FOCAD: variants seen among roughly 807,000 people sequenced by gnomAD.
FOCAD encodes KIAA1797.
Under a neutral mutation model 225.6 loss-of-function variants are expected in FOCAD, and 198 were observed. That is an observed-to-expected ratio of 0.88 (90% CI 0.78 to 0.99). FOCAD has a LOEUF of 0.99. Among genes scored for constraint, FOCAD ranks in the 50% least tolerant of loss-of-function variants. FOCAD has a pLI of 0.00. For missense variants in FOCAD, 2,713 were observed against 2,123.6 expected (o/e 1.28, Z -5.46); for synonymous variants, 897 against 755.0 (o/e 1.19, Z -3.08).
chr9:20,768,821 AC>A (rs1817868954), intron 7 of FOCAD, among the ~76,000 whole-genome samples: 1 of 152,044 alleles, frequency 6.6e-6, no homozygotes, highest in Non-Finnish European at 1.5e-5. Flanking sequence ...GACTCTTGTC[AC>A]CTCACATATT....
chr9:20,772,908 GTATAA>G (rs1384003264), intron 8 of FOCAD, among the ~76,000 whole-genome samples: 8 of 151,150 alleles, frequency 5.3e-5, no homozygotes, highest in East Asian at 1.9e-4. Flanking sequence ...ATATATATAT[GTATAA>G]TATATCAGGT....
chr9:20,959,031 C>G (rs576229342), intron 35 of FOCAD, among the ~76,000 whole-genome samples: 1 of 152,240 alleles, frequency 6.6e-6, no homozygotes, highest in African/African-American at 2.4e-5. Context: ...GAATGATTTC[C>G]TTTCCTTTGG....
At chr9:20,960,041 C>G (rs545866903) in intron 35 of FOCAD, among the ~76,000 whole-genome samples, 1 of 152,096 alleles carries the variant, frequency 6.6e-6, no homozygotes, top group Non-Finnish European at 1.5e-5. Flanking sequence ...CAAGTTTCAT[C>G]AACAATCCCA....
chr9:20,728,201 G>T (rs1826370658), intron 4 of FOCAD, among the ~76,000 whole-genome samples: 1 of 151,988 alleles, frequency 6.6e-6, no homozygotes, highest in Admixed American at 6.6e-5. Context: ...TCTCATTATA[G>T]GCTAACTATC....
intron 6 of FOCAD, among the ~76,000 whole-genome samples, chr9:20,763,374 T>G (rs950596323): frequency 6.6e-6 from 1 of 152,186 alleles, no homozygotes; most frequent in African/African-American, 2.4e-5. Flanking sequence ...GAGGATTGCT[T>G]GAGCCTAGAA....
chr9:20,954,416 G>A (rs1217874422), intron 35 of FOCAD, among the ~76,000 whole-genome samples: 1 of 152,090 alleles, frequency 6.6e-6, no homozygotes, highest in Non-Finnish European at 1.5e-5. Context: ...TTAAAATGAT[G>A]TGAGATATTT....
chr9:20,704,106 T>C (rs1437661288), intron 1 of FOCAD, among the ~76,000 whole-genome samples: 1 of 152,252 alleles, frequency 6.6e-6, no homozygotes, highest in Non-Finnish European at 1.5e-5. Context: ...AAAGCATATA[T>C]GTCATTGCTT....
In FOCAD at chr9:20,973,953, C is replaced by G. The variant is rs367972386; in HGVS notation, c.4133-2467C>G. On this transcript the variant is annotated intron_variant, in intron 35 of 43. Coordinates refer to ENST00000338382, the MANE Select transcript of FOCAD (RefSeq NM_001375567.1). ...TCTGCTTCTCCTTTTTCCTATGTTT[C>G]TCCTTTCTGTAGCTGTTTTTTTCCT... Among the ~76,000 whole-genome samples the G allele has an allele frequency of 8.8e-3, 760 of 86,324 alleles. 48 individuals carry two copies. The highest frequency in any genetic ancestry group is 0.027 in the African/African-American group (639 of 23,436). 56.6% of individuals were successfully genotyped at this position (86,324 alleles called of 152,430 possible).
At chr9:20,886,284 C>G (rs1390120657) in intron 21 of FOCAD, among the ~76,000 whole-genome samples, 1 of 152,110 alleles carries the variant, frequency 6.6e-6, no homozygotes, top group Non-Finnish European at 1.5e-5. Flanking sequence ...AAGAGCAACG[C>G]TTTTCTAGGA....
intron 2 of FOCAD, among the ~76,000 whole-genome samples, chr9:20,716,719 G>T (rs1489724671): frequency 7.9e-5 from 12 of 151,470 alleles, no homozygotes; most frequent in Admixed American, 7.2e-4. Flanking sequence ...ATTCACACAC[G>T]TTTTTTTTCA....
chr9:20,905,819 T>C (rs1343629009), intron 21 of FOCAD, among the ~76,000 whole-genome samples: 1 of 152,028 alleles, frequency 6.6e-6, no homozygotes, highest in Non-Finnish European at 1.5e-5. Flanking sequence ...TGTTGACTTA[T>C]TGACAAGGCT....
chr9:20,920,805 G>A (rs1397181854), intron 24 of FOCAD, among the ~76,000 whole-genome samples: 2 of 150,816 alleles, frequency 1.3e-5, no homozygotes, highest in Admixed American at 1.3e-4. Context: ...ACACTCTGGG[G>A]ACTGTTGTGG....
chr9:20,927,357 A>G (rs991565052), intron 26 of FOCAD, among the ~76,000 whole-genome samples: 1 of 152,100 alleles, frequency 6.6e-6, no homozygotes, highest in African/African-American at 2.4e-5. Flanking sequence ...TGTTTTTGTG[A>G]CTGTTGACAC....
At chr9:20,799,176 C>T (rs189794147) in intron 11 of FOCAD, among the ~76,000 whole-genome samples, 39 of 152,274 alleles carry the variant, frequency 2.6e-4, no homozygotes, top group Admixed American at 2.2e-3. Flanking sequence ...TTTCTTAATC[C>T]CGAGTTCCAG....
intron 11 of FOCAD, among the ~76,000 whole-genome samples, chr9:20,800,764 G>A (rs1007314688): frequency 6.6e-6 from 1 of 151,918 alleles, no homozygotes; most frequent in African/African-American, 2.4e-5. Context: ...TTTTTTTCAA[G>A]GTTTTTAACT....
At chr9:20,673,750 G>A (rs945382437) in intron 2 of FOCAD, among the ~76,000 whole-genome samples, 1 of 152,050 alleles carries the variant, frequency 6.6e-6, no homozygotes, top group Non-Finnish European at 1.5e-5. Context: ...CTACACGTGC[G>A]TGCCACACGT....
chr9:20,833,465 A>T (rs1190728634), intron 15 of FOCAD, among the ~76,000 whole-genome samples: 1 of 152,090 alleles, frequency 6.6e-6, no homozygotes, highest in African/African-American at 2.4e-5. Context: ...ACATACTAAT[A>T]TCTACTTTCT....
intron 35 of FOCAD, among the ~76,000 whole-genome samples, chr9:20,969,538 A>C (rs1002185862): frequency 3.3e-5 from 5 of 152,048 alleles, no homozygotes; most frequent in African/African-American, 7.2e-5. Flanking sequence ...ACAACATATA[A>C]AAATTCTGCT....
At chr9:20,815,137 G>GTTTTTTTTTGTTTTTT (rs1823565046) in intron 11 of FOCAD, among the ~76,000 whole-genome samples, 1 of 69,114 alleles carries the variant, frequency 1.4e-5, no homozygotes, top group African/African-American at 6.0e-5. Context: ...TTTTTTTTTT[G>GTTTTTTTTTGTTTTTT]TTTTTTTTTT....
Sources: allele counts gnomAD v4.1 joint callset (sites outside exome capture counted in the v4.1 genomes callset), GRCh38; gene constraint gnomAD v4.1.1; transcripts MANE v1.5; gene names NCBI Gene and HGNC (gene_info 2026-07-23, HGNC 2026-07-21).